The following VPS72 variants were observed in gnomAD, a reference collection of about 807,000 sequenced individuals.
The protein encoded by VPS72 is vacuolar protein sorting 72 homolog.
In VPS72, 27 loss-of-function variants were observed where a neutral mutation model predicts 38.9. The ratio of observed to expected loss-of-function variants is 0.69; its 90% CI spans 0.51 to 0.96. The LOEUF is 0.96. Among genes scored for constraint, VPS72 ranks in the 40% least tolerant of loss-of-function variants. VPS72 has a pLI of 0.00. For synonymous variants in VPS72, 173 were observed against 186.3 expected (o/e 0.93, Z 0.58); for missense variants, 360 against 479.5 (o/e 0.75, Z 2.33).
chr1:151,178,063 A>G lies in VPS72; in HGVS notation c.645T>C (p.His215=), dbSNP rs1242631930. ...RKCPGPIITY[H]SVTVPLVGEP... ...CCCCAACAAGTGGCACTGTCACTGA[A>G]TGATAGGTGATTATGGGCCCGGGGC... is the stretch of plus-strand genomic sequence containing the variant. The change falls in exon 5 of 6, where the codon CAT becomes CAC. Residue 215 remains histidine (H), a synonymous_variant. Coordinates refer to ENST00000368892, the MANE Select transcript of VPS72 (RefSeq NM_005997.3). 1 of 1,614,110 alleles carries G rather than the reference A, an allele frequency of 6.2e-7. No individual in the cohort carries two copies.
At chr1:151,179,443 C>G (rs1308549356) in intron 4 of VPS72, among the ~76,000 whole-genome samples, 2 of 151,698 alleles carry the variant, frequency 1.3e-5, no homozygotes, top group Non-Finnish European at 2.9e-5. Flanking sequence ...ACTAAAAATA[C>G]AAAAAATTAG....
chr1:151,187,096 G>A (rs1329015453), intron 1 of VPS72, among the ~76,000 whole-genome samples: 2 of 152,198 alleles, frequency 1.3e-5, no homozygotes, highest in Non-Finnish European at 2.9e-5. Flanking sequence ...TATGTACAAT[G>A]GGTATTTCAG....
chr1:151,177,010 C>T lies in VPS72; in HGVS notation c.729G>A (p.Val243=). ...DIEGLDPAPS[V]SALTPHAGTG... The stretch of plus-strand genomic sequence containing the variant: ...TCCCAGCATGAGGAGTCAATGCAGA[C>T]ACCGAGGGAGCAGGATCAAGTCTGA... Residue 243 remains valine (V), a synonymous_variant, in exon 6 of 6, where the codon GTG becomes GTA. Coordinates refer to ENST00000368892, the MANE Select transcript of VPS72 (RefSeq NM_005997.3). 6.3e-7 allele frequency: 1 copy of T among 1,575,314 alleles called. No individual in the cohort carries two copies.
intron 4 of VPS72, among the ~76,000 whole-genome samples, chr1:151,182,543 T>C (rs1684262740): frequency 6.6e-6 from 1 of 152,234 alleles, no homozygotes; most frequent in African/African-American, 2.4e-5. Flanking sequence ...CACCCCTCTG[T>C]AGCTTCCATT....
At chr1:151,188,124 C>T (rs970326762) in intron 1 of VPS72, among the ~76,000 whole-genome samples, 1 of 151,788 alleles carries the variant, frequency 6.6e-6, no homozygotes, top group Non-Finnish European at 1.5e-5. Flanking sequence ...GCAACCTCTG[C>T]CTCCTGGGTT....
rs201600788 is a variant in VPS72, at chr1:151,185,568, G to A, written c.323C>T (p.Ser108Phe). ...TGCCTTCTCTTCTCGCGCCTTCTGA[G>A]AGCTACCAGCCGGGGTGTTGACCTT... is the stretch of plus-strand genomic sequence containing the variant. ...PRKVNTPAGS[S>F]QKAREEKALL... The change falls in exon 3 of 6, where the codon TCT (serine) becomes TTT (phenylalanine). Residue 108 changes from serine (S) to phenylalanine (F), a missense_variant. Ser to Phe is a radical substitution (Grantham distance 155). This residue lies in a region of VPS72 where 294 missense variants were observed against 356.3 expected (regional missense o/e 0.83). Coordinates refer to ENST00000368892, the MANE Select transcript of VPS72 (RefSeq NM_005997.3). The A allele has an allele frequency of 5.0e-6, 8 of 1,614,026 alleles. No individual in the cohort carries two copies. The highest frequency in any genetic ancestry group is 6.8e-6 in the Non-Finnish European group (8 of 1,180,044).
chr1:151,176,834 C>CG lies in VPS72; in HGVS notation c.904dup (p.Arg302ProfsTer20). The CG allele has an allele frequency of 6.2e-7, 1 of 1,614,080 alleles. No homozygotes were observed. Among genetic ancestry groups the CG allele is most frequent in the Non-Finnish European group, 8.5e-7 (1 of 1,180,020 alleles). ...ATAGGGTATGTCTGTAACAGGGTCC[C>CG]GGTATAGGGCTGGACGATGGGTCAC... On this transcript the variant is annotated frameshift_variant, in exon 6 of 6. Transcript: ENST00000368892. LOFTEE classifies it high-confidence loss of function.
At chr1:151,178,605 T>C (rs1338895340) in intron 4 of VPS72, among the ~76,000 whole-genome samples, 1 of 151,964 alleles carries the variant, frequency 6.6e-6, no homozygotes, top group Non-Finnish European at 1.5e-5. Flanking sequence ...CACTCCAGCC[T>C]AGGCAGCAGA....
intron 1 of VPS72, among the ~76,000 whole-genome samples, chr1:151,188,894 G>T (rs1177085309): frequency 1.3e-5 from 2 of 152,004 alleles, no homozygotes; most frequent in East Asian, 1.9e-4. Flanking sequence ...GCAGTGGTAC[G>T]ATCTCGGCTC....
In VPS72 at chr1:151,185,859, G is replaced by A; in HGVS notation, c.209C>T (p.Ser70Phe). Residue 70 changes from serine (S) to phenylalanine (F), a missense_variant, in exon 2 of 6, where the codon TCC (serine) becomes TTC (phenylalanine). Ser to Phe is a radical substitution (Grantham distance 155). Coordinates refer to ENST00000368892, the MANE Select transcript of VPS72 (RefSeq NM_005997.3). ...TGGCTCTTCTGCTTCTCCATCACTG[G>A]ATGGTTCATCCCCTTCATCAATGTC... ...DFDIDEGDEP[S>F]SDGEAEEPRR... is the part of the protein sequence containing the mutation. 6.2e-7 allele frequency: 1 copy of A among 1,614,096 alleles called. No homozygotes were observed. Among genetic ancestry groups the A allele is most frequent in the Non-Finnish European group, 8.5e-7 (1 of 1,180,008 alleles).
chr1:151,177,137 A>G, intron 5 of VPS72, 106 bp from the exon 6 acceptor site: 1 of 1,258,152 alleles, frequency 7.9e-7, no homozygotes, highest in South Asian at 1.8e-5. Context: ...CTGTAATTCC[A>G]GCACTTTGGG....
intron 4 of VPS72, among the ~76,000 whole-genome samples, chr1:151,184,004 C>CA (rs2101727052): frequency 6.6e-6 from 1 of 151,992 alleles, no homozygotes; most frequent in East Asian, 1.9e-4. Flanking sequence ...GTATATACCC[C>CA]ATTTTATAAA....
chr1:151,176,840 A>G lies in VPS72; in HGVS notation c.899T>C (p.Leu300Pro), dbSNP rs1291944385. 3.7e-6 allele frequency: 6 copies of G among 1,614,078 alleles called. No homozygotes were observed. The highest frequency in any genetic ancestry group is 5.1e-6 in the Non-Finnish European group (6 of 1,180,048). The change falls in exon 6 of 6, where the codon CTA becomes CCA. Residue 300 changes from leucine (L) to proline (P), a missense_variant. Leu to Pro is a moderately conservative substitution (Grantham distance 98). Transcript: ENST00000368892. ...EVCPVTHRPA[L>P]YRDPVTDIPY... Reference sequence around the variant, plus strand: ...TATGTCTGTAACAGGGTCCCGGTATAGGGCTGGACGATGGGTCACTGGACA... The same window carrying G: ...TATGTCTGTAACAGGGTCCCGGTATGGGGCTGGACGATGGGTCACTGGACA...
chr1:151,181,313 C>T (rs933414802), intron 4 of VPS72, among the ~76,000 whole-genome samples: 1 of 151,018 alleles, frequency 6.6e-6, no homozygotes, highest in South Asian at 2.1e-4. Flanking sequence ...TCTCCACTCA[C>T]TGCAACCTCC....
intron 1 of VPS72, among the ~76,000 whole-genome samples, chr1:151,187,501 C>G (rs1433298176): frequency 1.3e-5 from 2 of 152,188 alleles, no homozygotes; most frequent in African/African-American, 4.8e-5. Flanking sequence ...GGTAGTAGAT[C>G]AACCACACAT....
intron 4 of VPS72, among the ~76,000 whole-genome samples, chr1:151,182,633 G>T (rs1205945952): frequency 1.1e-4 from 17 of 152,114 alleles, no homozygotes; most frequent in Admixed American, 1.1e-3. Flanking sequence ...CCCAAAAAGT[G>T]CTAAGGTAAT....
chr1:151,176,567 A>C lies in VPS72; in HGVS notation c.*77T>G. 2 of 1,544,358 alleles carry C rather than the reference A, an allele frequency of 1.3e-6. No individual in the cohort carries two copies. Among genetic ancestry groups the C allele is most frequent in the Non-Finnish European group, 1.7e-6 (2 of 1,146,702 alleles). On this transcript the variant is annotated 3_prime_UTR_variant, in exon 6 of 6. Transcript: ENST00000368892. The stretch of plus-strand genomic sequence containing the variant: ...GCAAAGATCAGAGATGACAAAGGGG[A>C]GAAGCAGGGAGAAGAAACGGAACAG...
At chr1:151,189,959 C>A (rs1204586517) in intron 1 of VPS72, 46 bp downstream of exon 1, 10 of 1,602,778 alleles carry the variant, frequency 6.2e-6, no homozygotes, top group Admixed American at 1.7e-5. Context: ...CCCTTCAGGG[C>A]TCCTCTTTGC....
At chr1:151,189,955 A>C in intron 1 of VPS72, 50 bp downstream of exon 1, 1 of 1,596,368 alleles carries the variant, frequency 6.3e-7, no homozygotes, top group Non-Finnish European at 8.6e-7. Context: ...TTCTCCCTTC[A>C]GGGCTCCTCT....
Sources: allele counts gnomAD v4.1 joint callset (sites outside exome capture counted in the v4.1 genomes callset), GRCh38; gene constraint gnomAD v4.1.1; regional missense constraint gnomAD v4.1.1; transcripts MANE v1.5; gene names NCBI Gene and HGNC (gene_info 2026-07-23, HGNC 2026-07-21).